The following RSPO4 variants were observed in gnomAD, a reference collection of about 807,000 sequenced individuals.
RSPO4 encodes R-spondin-4.
A neutral mutation model predicts 24.8 loss-of-function variants in RSPO4; 23 were observed. That is an observed-to-expected ratio of 0.93 (90% CI 0.67 to 1.31). The LOEUF (loss-of-function observed/expected upper bound fraction) is 1.31. RSPO4 is among the 40% of genes most tolerant of loss of function. The pLI is 0.00. For synonymous variants in RSPO4, 141 were observed against 127.4 expected, an observed-to-expected ratio of 1.11 and a Z score of -0.72; for missense variants, 333 against 316.5, an observed-to-expected ratio of 1.05 and a Z score of -0.39.
chr20:961,338 A>C (rs1433752451), intron 4 of RSPO4, among the ~76,000 whole-genome samples: 4 of 152,228 alleles, frequency 2.6e-5, no homozygotes. Context: ...TTTGAACACG[A>C]TGAACCTGAG....
intron 1 of RSPO4, among the ~76,000 whole-genome samples, chr20:983,089 G>A (rs1302685232): frequency 1.3e-5 from 2 of 152,250 alleles, no homozygotes; most frequent in African/African-American, 4.8e-5. Context: ...TTCCTAAGAT[G>A]AGCCCGAGTG....
chr20:996,108 T>TA (rs1364783725), intron 1 of RSPO4, among the ~76,000 whole-genome samples: 2 of 152,146 alleles, frequency 1.3e-5, no homozygotes, highest in African/African-American at 2.4e-5. Context: ...AAGAGTGGAG[T>TA]ACATGACAGA....
chr20:968,223 T>C (rs997721358), intron 1 of RSPO4, 85 bp from the exon 2 acceptor site: 11 of 1,287,956 alleles, frequency 8.5e-6, no homozygotes, highest in South Asian at 6.0e-5. Flanking sequence ...GATGGTCTCA[T>C]TGGGATAGTA....
In RSPO4 at chr20:976,618, C is replaced by T. The variant is rs553016538; in HGVS notation, c.80-8480G>A. The stretch of plus-strand genomic sequence containing the variant: ...TTGAGTGAACTTAGGGTCATCTCTG[C>T]CATATCATGCCTTCCATCTGCCTTC... On this transcript the variant is annotated intron_variant, in intron 1 of 4. Coordinates refer to ENST00000217260, the MANE Select transcript of RSPO4 (RefSeq NM_001029871.4). Among the ~76,000 whole-genome samples the T allele has an allele frequency of 1.0e-3, 159 of 152,006 alleles. 1 individual carries two copies. The highest frequency in any genetic ancestry group is 1.7e-3 in the Non-Finnish European group (117 of 67,966).
chr20:996,989 A>G (rs554059592), intron 1 of RSPO4, among the ~76,000 whole-genome samples: 1 of 152,284 alleles, frequency 6.6e-6, no homozygotes, highest in East Asian at 1.9e-4. Context: ...CACTGGCATG[A>G]TTCATTTCTA....
intron 1 of RSPO4, among the ~76,000 whole-genome samples, chr20:993,482 G>A (rs1985176940): frequency 6.6e-6 from 1 of 152,214 alleles, no homozygotes; most frequent in African/African-American, 2.4e-5. Context: ...AGACCTGGGA[G>A]CACATCACGA....
Position 964,006 on chromosome 20 carries a change from T to A in RSPO4, c.524A>T (p.His175Leu), listed in dbSNP as rs61740632. 7.4e-6 allele frequency: 12 copies of A among 1,613,746 alleles called. No individual in the cohort carries two copies. The highest frequency in any genetic ancestry group is 6.7e-5 in the Admixed American group (4 of 60,004). The change falls in exon 4 of 5, where the codon CAT (histidine) becomes CTT (leucine). Residue 175 changes from histidine (H) to leucine (L), a missense_variant. Coordinates refer to ENST00000217260, the MANE Select transcript of RSPO4 (RefSeq NM_001029871.4). ...SRVREAGRAG[H>L]EEAATCQVLS... is the part of the protein sequence containing the mutation. ...CACCTGGCAGGTGGCTGCCTCCTCA[T>A]GCCCAGCCCGGCCAGCCTCTCGTAC...
rs551880993 is a variant in RSPO4, at chr20:981,496, C to G, written c.80-13358G>C. Among the ~76,000 whole-genome samples the G allele has an allele frequency of 2.6e-5, 4 of 152,222 alleles. No homozygotes were observed. The highest frequency in any genetic ancestry group is 1.5e-5 in the Non-Finnish European group (1 of 68,022). ...CCAAGATTGCACCACTGCACTCCAG[C>G]CTGGGCGACAGAGTGAGACGCTGTC... On this transcript the variant is annotated intron_variant, in intron 1 of 4. Coordinates refer to ENST00000217260, the MANE Select transcript of RSPO4 (RefSeq NM_001029871.4). The surrounding 1 kb of genome is among the most constrained non-coding windows in gnomAD (Gnocchi z 4.6).
chr20:984,791 C>T (rs556347136), intron 1 of RSPO4, among the ~76,000 whole-genome samples: 82 of 152,316 alleles, frequency 5.4e-4, no homozygotes, highest in Admixed American at 2.7e-3. Context: ...TCAGTTTCTC[C>T]ATCTGTCAAA....
At chr20:996,332 A>G (rs904766577) in intron 1 of RSPO4, among the ~76,000 whole-genome samples, 2 of 152,168 alleles carry the variant, frequency 1.3e-5, no homozygotes, top group Non-Finnish European at 2.9e-5. Flanking sequence ...CTCAGCTTGG[A>G]AAACTTTAAA....
chr20:998,082 G>A (rs184386085), intron 1 of RSPO4, among the ~76,000 whole-genome samples: 2 of 152,334 alleles, frequency 1.3e-5, no homozygotes, highest in East Asian at 1.9e-4. Context: ...AAGCACGGAC[G>A]GGAGAAGGCA....
At position 967,749 on chromosome 20, in the gene RSPO4, C is replaced by T. The variant is rs369154936; in HGVS notation, c.268+201G>A. Among the ~76,000 whole-genome samples the T allele has an allele frequency of 2.0e-3, 308 of 152,340 alleles. 3 individuals carry two copies. Among genetic ancestry groups the T allele is most frequent in the African/African-American group, 7.0e-3 (291 of 41,578 alleles). On this transcript the variant is annotated intron_variant, in intron 2 of 4. Transcript: ENST00000217260. The stretch of plus-strand genomic sequence containing the variant: ...AGGGTAGAAGTGAAAGTTGCCTGTT[C>T]TATTAGTGCTAATTAAGGCTGAGAG...
chr20:963,994 G>A lies in RSPO4; in HGVS notation c.536C>T (p.Ala179Val). 5 of 1,613,890 alleles carry A rather than the reference G, an allele frequency of 3.1e-6. No homozygotes were observed. Among genetic ancestry groups the A allele is most frequent in the Non-Finnish European group, 3.4e-6 (4 of 1,180,038 alleles). ...EAGRAGHEEAATCQVLSESRK... is the reference protein window; with the variant it reads ...EAGRAGHEEAVTCQVLSESRK... ...TGACTCAGAAAGCACCTGGCAGGTG[G>A]CTGCCTCCTCATGCCCAGCCCGGCC... is the stretch of plus-strand genomic sequence containing the variant. The change falls in exon 4 of 5, where the codon GCC becomes GTC. Residue 179 changes from alanine (A) to valine (V), a missense_variant. Ala to Val is a moderately conservative substitution (Grantham distance 64). Coordinates refer to ENST00000217260, the MANE Select transcript of RSPO4 (RefSeq NM_001029871.4).
At chr20:972,633 G>C (rs1884110) in intron 1 of RSPO4, among the ~76,000 whole-genome samples, 2 of 152,058 alleles carry the variant, frequency 1.3e-5, no homozygotes, top group Non-Finnish European at 2.9e-5. Flanking sequence ...TTAACCCAGG[G>C]CTGCCCACCG....
chr20:966,717 T>C (rs1411107989), intron 3 of RSPO4, among the ~76,000 whole-genome samples: 1 of 152,118 alleles, frequency 6.6e-6, no homozygotes, highest in Non-Finnish European at 1.5e-5. Context: ...TAGCCAGCTG[T>C]TGTGGTACAT....
chr20:964,040 C>T lies in RSPO4; in HGVS notation c.490G>A (p.Glu164Lys). 1.2e-6 allele frequency: 2 copies of T among 1,613,754 alleles called. No homozygotes were observed. The highest frequency in any genetic ancestry group is 1.7e-6 in the Non-Finnish European group (2 of 1,180,020). Residue 164 changes from glutamate to lysine, a missense_variant, in exon 4 of 5, where the codon GAG becomes AAG. Glu to Lys is a moderately conservative substitution (Grantham distance 56). Transcript: ENST00000217260. Reference protein sequence around the residue: ...GKTCGSAWGLESRVREAGRAG... With the variant: ...GKTCGSAWGLKSRVREAGRAG... ...CGGCCAGCCTCTCGTACCCGGCTCT[C>T]CAGGCCCCAAGCCGAGCCGCAGGTC... is the stretch of plus-strand genomic sequence containing the variant.
intron 1 of RSPO4, among the ~76,000 whole-genome samples, chr20:977,893 C>G (rs959830963): frequency 2.0e-5 from 3 of 152,212 alleles, no homozygotes; most frequent in African/African-American, 7.2e-5. Flanking sequence ...ACGCATGTCA[C>G]CGATGACCAA....
At chr20:961,936 C>G (rs544879938) in intron 4 of RSPO4, among the ~76,000 whole-genome samples, 69 of 152,126 alleles carry the variant, frequency 4.5e-4, no homozygotes, top group African/African-American at 1.6e-3. Context: ...ACCCACCCAC[C>G]TAATCATCCA....
intron 1 of RSPO4, among the ~76,000 whole-genome samples, chr20:991,399 G>A (rs1985097654): frequency 1.3e-5 from 2 of 152,166 alleles, no homozygotes; most frequent in African/African-American, 4.8e-5. Context: ...CTCCAAAGGT[G>A]AGGACTCTAC....
Sources: gnomAD v4.1 joint callset for allele counts (sites outside exome capture counted in the v4.1 genomes callset) on GRCh38, gnomAD v4.1.1 for gene constraint, Gnocchi (gnomAD v3.1) non-coding constraint, MANE v1.5 for transcripts, NCBI Gene and HGNC (gene_info 2026-07-23, HGNC 2026-07-21) for gene names.